Variants in TMEM63A observed in about 807,000 individuals in gnomAD.
TMEM63A encodes the protein transmembrane protein 63A.
TMEM63A carries 76 observed loss-of-function variants against 100.6 expected under a neutral mutation model. The observed-to-expected ratio is 0.76, with a 90% CI of 0.63 to 0.91. The LOEUF (loss-of-function observed/expected upper bound fraction) is 0.91. Among genes scored for constraint, TMEM63A ranks in the 40% least tolerant of loss-of-function variants. The pLI is 0.00. For missense variants in TMEM63A, 876 were observed against 1,008.8 expected, an observed-to-expected ratio of 0.87 and a Z score of 1.78; for synonymous variants, 401 against 401.1, an observed-to-expected ratio of 1.00 and a Z score of 0.00.
chr1:225,852,607 G>A, intron 20 of TMEM63A, 57 bp downstream of exon 20: 1 of 1,552,890 alleles, frequency 6.4e-7, no homozygotes, highest in Non-Finnish European at 8.9e-7. Flanking sequence ...GAGAGGTTTG[G>A]TGCAATCAGC....
At chr1:225,868,313 C>T (rs561850971) in intron 6 of TMEM63A, among the ~76,000 whole-genome samples, 3 of 152,158 alleles carry the variant, frequency 2.0e-5, no homozygotes, top group African/African-American at 7.2e-5. Flanking sequence ...GCCCAAGTTA[C>T]GTGTGTGGGA....
At chr1:225,878,424 C>A (rs1298844595) in intron 2 of TMEM63A, among the ~76,000 whole-genome samples, 1 of 152,144 alleles carries the variant, frequency 6.6e-6, no homozygotes, top group Non-Finnish European at 1.5e-5. Flanking sequence ...ACACATACCC[C>A]TCCTGGGTAC....
At chr1:225,860,566 C>A in intron 14 of TMEM63A, 1 of 282,088 alleles carries the variant, frequency 3.5e-6, no homozygotes, top group East Asian at 6.2e-5. Flanking sequence ...TTAATTTCAA[C>A]TGTTTCTTTT....
chr1:225,880,639 G>A (rs568055182), intron 1 of TMEM63A, among the ~76,000 whole-genome samples: 1 of 152,286 alleles, frequency 6.6e-6, no homozygotes, highest in African/African-American at 2.4e-5. Context: ...TATGCCGAGG[G>A]TAGGAAAGCC....
At chr1:225,841,288 T>C (rs1446357189), downstream of TMEM63A, 1 of 152,282 alleles carries the variant, frequency 6.6e-6, no homozygotes, top group Non-Finnish European at 1.5e-5. Context: ...GCTTTATTTA[T>C]TTATTTTTTC....
chr1:225,867,074 C>G lies in TMEM63A; in HGVS notation c.566+38G>C. ...TCCTGACCTGCCTTCTCCTTGATCT[C>G]ACCCATCAGCACCTATCCCCACGGG... On this transcript the variant is annotated intron_variant, in intron 8 of 24. Coordinates refer to ENST00000366835, the MANE Select transcript of TMEM63A (RefSeq NM_014698.3). This position sits in a 1 kb window ranked among gnomAD's most constrained non-coding sequence, Gnocchi z 4.6. The G allele has an allele frequency of 6.2e-7, 1 of 1,612,696 alleles. No homozygotes were observed. Among genetic ancestry groups the G allele is most frequent in the South Asian group, 1.1e-5 (1 of 91,058 alleles).
Position 225,853,523 on chromosome 1 carries a change from A to G in TMEM63A, c.1797+106T>C. Reference sequence around the variant, plus strand: ...TGCCTGCACTAGTGGGTAGTCAGGTAAATGCTACCCACTAGTGGGGGTAGT... The same window carrying G: ...TGCCTGCACTAGTGGGTAGTCAGGTGAATGCTACCCACTAGTGGGGGTAGT... On this transcript the variant is annotated intron_variant, in intron 19 of 24. Transcript: ENST00000366835. The surrounding 1 kb of genome is among the most constrained non-coding windows in gnomAD (Gnocchi z 4.0). 8.7e-7 allele frequency: 1 copy of G among 1,143,456 alleles called. No individual in the cohort carries two copies. Among genetic ancestry groups the G allele is most frequent in the Non-Finnish European group, 1.2e-6 (1 of 837,324 alleles). The allele number at this position is 1,143,456 out of a possible 1,614,324, so 70.8% of individuals were successfully genotyped here.
intron 20 of TMEM63A, among the ~76,000 whole-genome samples, chr1:225,851,031 G>T (rs531190220): frequency 6.6e-6 from 1 of 151,996 alleles, no homozygotes; most frequent in Non-Finnish European, 1.5e-5. Flanking sequence ...TTCATCCGTC[G>T]CTGGGTCAGG....
chr1:225,847,217 T>G lies in TMEM63A; in HGVS notation c.2251-4A>C. 1 of 1,612,362 alleles carries G rather than the reference T, an allele frequency of 6.2e-7. No homozygotes were observed. The highest frequency in any genetic ancestry group is 8.5e-7 in the Non-Finnish European group (1 of 1,179,194). ...TCAGAATCCGAGGCACGTAGGGCTG[T>G]CAGCAAATGGATTTGTGCTTGGCCT... On this transcript the variant is annotated splice_region_variant and splice_polypyrimidine_tract_variant and intron_variant, in intron 23 of 24. Coordinates refer to ENST00000366835, the MANE Select transcript of TMEM63A (RefSeq NM_014698.3).
chr1:225,854,315 G>A (rs1012897725), intron 18 of TMEM63A, among the ~76,000 whole-genome samples: 9 of 152,336 alleles, frequency 5.9e-5, no homozygotes, highest in African/African-American at 2.2e-4. Flanking sequence ...AAGGGGCTGG[G>A]GGCCAGCCCA....
At chr1:225,879,901 C>A (rs530529127) in intron 1 of TMEM63A, among the ~76,000 whole-genome samples, 1 of 152,204 alleles carries the variant, frequency 6.6e-6, no homozygotes, top group Admixed American at 6.5e-5. Flanking sequence ...AAAACATCCC[C>A]ATAAAATGCT....
In TMEM63A at chr1:225,874,313, T is replaced by C; in HGVS notation, c.241A>G (p.Ile81Val). Residue 81 changes from isoleucine (I) to valine (V), a missense_variant, in exon 4 of 25, where the codon ATT becomes GTT. Around this residue, in one of 5 missense-constraint regions of TMEM63A, gnomAD observed 487 missense variants for 581.9 expected, o/e 0.84. Coordinates refer to ENST00000366835, the MANE Select transcript of TMEM63A (RefSeq NM_014698.3). ...IRRRFWDYGR[I>V]ALVSEADSES... ...CTGTCTGCTTCTGACACCAGGGCAA[T>C]GCGGCCATAGTCCCAGAATCTTCTT... 1.2e-6 allele frequency: 2 copies of C among 1,614,110 alleles called. No individual in the cohort carries two copies. The highest frequency in any genetic ancestry group is 2.2e-5 in the South Asian group (2 of 91,054).
downstream of TMEM63A, among the ~76,000 whole-genome samples, chr1:225,843,695 T>C (rs923431422): frequency 6.6e-6 from 1 of 152,166 alleles, no homozygotes; most frequent in African/African-American, 2.4e-5. Context: ...AGATCTGTGT[T>C]CTAGAAAGAA....
intron 3 of TMEM63A, 127 bp downstream of exon 3, chr1:225,877,268 T>TA (rs1038600611): frequency 1.9e-6 from 2 of 1,071,060 alleles, no homozygotes; most frequent in African/African-American, 3.2e-5. Flanking sequence ...ACAGAGCTGG[T>TA]AAGCAGCAGA....
downstream of TMEM63A, chr1:225,844,766 C>T (rs1668788380): frequency 1.2e-5 from 17 of 1,374,216 alleles, no homozygotes; most frequent in South Asian, 8.0e-5. Context: ...GATGGGAACA[C>T]TAAAGGTCGA....
chr1:225,853,745 T>C lies in TMEM63A; in HGVS notation c.1681A>G (p.Ile561Val), dbSNP rs151242805. Reference protein sequence around the residue: ...DQGAFFVNYVIASAFIGNGME... With the variant: ...DQGAFFVNYVVASAFIGNGME... ...CCATTGCCGATGAAGGCCGAGGCGA[T>C]GACATAGTTCACAAAGAAGGCACCC... The change falls in exon 19 of 25, where the codon ATC becomes GTC. Residue 561 changes from isoleucine to valine, a missense_variant. Physicochemically the swap from Ile to Val is conservative, Grantham distance 29 (BLOSUM62 3). This residue lies in a region of TMEM63A where 339 missense variants were observed against 342.3 expected (regional missense o/e 0.99). Coordinates refer to ENST00000366835, the MANE Select transcript of TMEM63A (RefSeq NM_014698.3). The surrounding 1 kb of genome is among the most constrained non-coding windows in gnomAD (Gnocchi z 4.0). The C allele has an allele frequency of 1.1e-5, 18 of 1,607,422 alleles. No homozygotes were observed. The highest frequency in any genetic ancestry group is 9.3e-6 in the Non-Finnish European group (11 of 1,177,070).
At chr1:225,842,361 G>T (rs369738560), downstream of TMEM63A, 14 of 1,605,304 alleles carry the variant, frequency 8.7e-6, no homozygotes, top group African/African-American at 1.7e-4. Flanking sequence ...CCCGCTCCCC[G>T]CCAGGCTCTG....
chr1:225,857,390 G>C (rs938270074), intron 15 of TMEM63A, among the ~76,000 whole-genome samples: 1 of 137,872 alleles, frequency 7.3e-6, no homozygotes. Context: ...GGGGCGGGGG[G>C]GGGGGGGTGC....
In TMEM63A at chr1:225,849,913, C is replaced by G. The variant is rs199523527; in HGVS notation, c.2070G>C (p.Leu690=). The G allele has an allele frequency of 9.0e-5, 145 of 1,613,594 alleles. No homozygotes were observed. Among genetic ancestry groups the G allele is most frequent in the Non-Finnish European group, 1.1e-4 (134 of 1,179,836 alleles). The change falls in exon 21 of 25, where the codon CTG becomes CTC. Residue 690 remains leucine, a splice_region_variant and synonymous_variant. Coordinates refer to ENST00000366835, the MANE Select transcript of TMEM63A (RefSeq NM_014698.3). ...FWLYFFSFLR[L]GMKAPATLFT... is the part of the protein sequence containing the mutation. ...CCCCAGGTCAGAAGGGCTGCTCACC[C>G]AGGCGCAGGAAGGAAAAGAAGTAGA...
Sources: allele counts gnomAD v4.1 joint callset (sites outside exome capture counted in the v4.1 genomes callset), GRCh38; gene constraint gnomAD v4.1.1; regional missense constraint gnomAD v4.1.1; non-coding constraint Gnocchi (gnomAD v3.1); transcripts MANE v1.5; gene names NCBI Gene and HGNC (gene_info 2026-07-23, HGNC 2026-07-21).